The following RALGAPA1 variants were observed in gnomAD, a reference collection of about 807,000 sequenced individuals.
RALGAPA1 encodes the protein ral GTPase-activating protein subunit alpha-1.
In RALGAPA1, 52 loss-of-function variants were observed where a neutral mutation model predicts 269.6. The ratio of observed to expected loss-of-function variants is 0.19; its 90% CI spans 0.15 to 0.24. The LOEUF (loss-of-function observed/expected upper bound fraction) is 0.24. Ranked by LOEUF, RALGAPA1 falls within the 10% of genes least tolerant of loss-of-function variation. The probability of loss-of-function intolerance (pLI) is 1.00; values close to 1 mark genes in which losing one functional copy is unlikely to be tolerated. For missense variants in RALGAPA1, 1,917 were observed against 3,013.9 expected, an observed-to-expected ratio of 0.64 and a Z score of 8.52; for synonymous variants, 817 against 1,008.3, an observed-to-expected ratio of 0.81 and a Z score of 3.60.
intron 27 of RALGAPA1, among the ~76,000 whole-genome samples, chr14:35,662,079 A>G (rs1456477648): frequency 6.6e-6 from 1 of 152,226 alleles, no homozygotes; most frequent in East Asian, 1.9e-4. Context: ...AAACATTATT[A>G]AATGAGTGAA....
chr14:35,743,738 A>T lies in RALGAPA1; in HGVS notation c.1252-1173T>A, dbSNP rs576611043. Among the ~76,000 whole-genome samples, 13 of 152,290 alleles carry T rather than the reference A, an allele frequency of 8.5e-5. 1 individual carries two copies. The South Asian group carries it at 2.7e-3, about 32-fold the overall frequency. On this transcript the variant is annotated intron_variant, in intron 10 of 41. Transcript: ENST00000680220. ...TTGCCTCCAGAAACTAATAAAAATC[A>T]TATGTAATAAGGTACCTCACCTTTT...
chr14:35,588,604 T>TG (rs1447761196), intron 37 of RALGAPA1, among the ~76,000 whole-genome samples: 1 of 152,148 alleles, frequency 6.6e-6, no homozygotes, highest in African/African-American at 2.4e-5. Context: ...AAAGACAAAA[T>TG]GTAACGGCAA....
chr14:35,621,358 T>G (rs1055632939), intron 35 of RALGAPA1, among the ~76,000 whole-genome samples: 1 of 152,016 alleles, frequency 6.6e-6, no homozygotes, highest in Non-Finnish European at 1.5e-5. Context: ...ATACAAAAAT[T>G]AATTCAAGAT....
intron 36 of RALGAPA1, among the ~76,000 whole-genome samples, chr14:35,601,577 C>A (rs2059291242): frequency 6.6e-6 from 1 of 152,108 alleles, no homozygotes; most frequent in Non-Finnish European, 1.5e-5. Flanking sequence ...GAAGAGCAGG[C>A]TTTGGTTGGT....
At chr14:35,799,178 A>G (rs28478751) in intron 1 of RALGAPA1, among the ~76,000 whole-genome samples, 26,273 of 152,156 alleles carry the variant, frequency 0.17, 2,586 homozygotes, top group African/African-American at 0.26. Context: ...AGGTTGGGTG[A>G]AGAAATGGAA....
At chr14:35,715,335 TG>T (rs1809897239) in intron 16 of RALGAPA1, among the ~76,000 whole-genome samples, 1 of 152,152 alleles carries the variant, frequency 6.6e-6, no homozygotes, top group African/African-American at 2.4e-5. Context: ...TGCTTAATAT[TG>T]TTTTTTTTTC....
At chr14:35,629,383 C>T (rs1166140851) in intron 33 of RALGAPA1, among the ~76,000 whole-genome samples, 1 of 151,942 alleles carries the variant, frequency 6.6e-6, no homozygotes, top group Non-Finnish European at 1.5e-5. Flanking sequence ...ATTATTCTAC[C>T]ACAGTAACAG....
At chr14:35,753,411 C>T (rs1481395815) in intron 7 of RALGAPA1, among the ~76,000 whole-genome samples, 1 of 152,126 alleles carries the variant, frequency 6.6e-6, no homozygotes, top group Non-Finnish European at 1.5e-5. Context: ...ATTAATATCA[C>T]CAGTTGGCCA....
intron 31 of RALGAPA1, among the ~76,000 whole-genome samples, chr14:35,640,341 A>T (rs1468694698): frequency 6.6e-6 from 1 of 152,152 alleles, no homozygotes; most frequent in African/African-American, 2.4e-5. Flanking sequence ...TAAAATTGAC[A>T]AACCTTTGGC....
chr14:35,634,428 T>A (rs1192030801), intron 33 of RALGAPA1, 146 bp downstream of exon 33: 29 of 466,250 alleles, frequency 6.2e-5, no homozygotes, highest in Non-Finnish European at 8.3e-5. Flanking sequence ...TTTCTTTAAT[T>A]AATAATGAAC....
At chr14:35,670,737 A>C (rs2140234936) in intron 26 of RALGAPA1, among the ~76,000 whole-genome samples, 1 of 152,276 alleles carries the variant, frequency 6.6e-6, no homozygotes, top group Non-Finnish European at 1.5e-5. Context: ...AGCCTGACCA[A>C]CATGGTGAAA....
At chr14:35,759,511 G>A (rs1171064465) in intron 6 of RALGAPA1, among the ~76,000 whole-genome samples, 1 of 150,790 alleles carries the variant, frequency 6.6e-6, no homozygotes, top group African/African-American at 2.4e-5. Context: ...ATATGACAAT[G>A]TTTGCTCATG....
chr14:35,766,897 G>C (rs1321482762), intron 4 of RALGAPA1: 1 of 428,274 alleles, frequency 2.3e-6, no homozygotes, highest in African/African-American at 2.1e-5. Context: ...TGGCAGGACT[G>C]TCAGCAGTGA....
At chr14:35,791,285 G>A (rs971107673) in intron 1 of RALGAPA1, among the ~76,000 whole-genome samples, 1 of 152,128 alleles carries the variant, frequency 6.6e-6, no homozygotes, top group African/African-American at 2.4e-5. Flanking sequence ...TCAGATAAGG[G>A]CATATGCAAC....
chr14:35,544,991 G>A (rs2054321961), intron 41 of RALGAPA1, among the ~76,000 whole-genome samples: 3 of 152,184 alleles, frequency 2.0e-5, no homozygotes, highest in Non-Finnish European at 4.4e-5. Flanking sequence ...AGGTTGCAGT[G>A]AGCCAAGATT....
At chr14:35,593,345 T>C (rs1269535321) in intron 37 of RALGAPA1, among the ~76,000 whole-genome samples, 2 of 151,986 alleles carry the variant, frequency 1.3e-5, no homozygotes, top group Non-Finnish European at 2.9e-5. Context: ...TAAAACACAA[T>C]GAAATGGAAA....
At chr14:35,761,436 C>A (rs1325196275) in intron 5 of RALGAPA1, among the ~76,000 whole-genome samples, 1 of 152,024 alleles carries the variant, frequency 6.6e-6, no homozygotes, top group African/African-American at 2.4e-5. Flanking sequence ...ACTGCGAATT[C>A]AATGTTCTTG....
chr14:35,765,691 C>A, intron 4 of RALGAPA1: 1 of 275,476 alleles, frequency 3.6e-6, no homozygotes, highest in South Asian at 4.3e-5. Context: ...AGTTGGGGTA[C>A]TGCCATGTTA....
chr14:35,750,494 T>C lies in RALGAPA1; in HGVS notation c.999A>G (p.Pro333=), dbSNP rs1014574784. 9 of 1,612,556 alleles carry C rather than the reference T, an allele frequency of 5.6e-6. No homozygotes were observed. The highest frequency in any genetic ancestry group is 7.6e-6 in the Non-Finnish European group (9 of 1,179,130). ...HIPGMEGEVL[P]KNIQRAAASL... ...ATTTGTGCATTACCTGAATATTCTT[T>C]GGCAAGACTTCACCTTCCATCCCAG... The change falls in exon 9 of 42, where the codon CCA becomes CCG. Residue 333 remains proline (P), a synonymous_variant. Transcript: ENST00000680220.
Sources: gnomAD v4.1 joint callset for allele counts (sites outside exome capture counted in the v4.1 genomes callset) on GRCh38, gnomAD v4.1.1 for gene constraint, MANE v1.5 for transcripts, NCBI Gene and HGNC (gene_info 2026-07-23, HGNC 2026-07-21) for gene names.